Variants in ZNF518B observed in about 807,000 individuals in gnomAD.
ZNF518B encodes zinc finger protein 518B.
In ZNF518B, 23 loss-of-function variants were observed where a neutral mutation model predicts 56.3. That is an observed-to-expected ratio of 0.41 (90% CI 0.29 to 0.58). ZNF518B has a LOEUF of 0.58. Ranked by LOEUF, ZNF518B falls within the 20% of genes least tolerant of loss-of-function variation. The pLI, the probability that ZNF518B is intolerant of heterozygous loss-of-function variation, is 0.32. For synonymous variants in ZNF518B, 529 were observed against 465.9 expected (o/e 1.14, Z -1.74); for missense variants, 1,460 against 1,272.1 (o/e 1.15, Z -2.25).
upstream of ZNF518B, among the ~76,000 whole-genome samples, chr4:10,458,261 A>G (rs1715631558): frequency 6.6e-6 from 1 of 151,944 alleles, no homozygotes; most frequent in South Asian, 2.1e-4. Context: ...CAGCAGGGGC[A>G]GGTTGAGGCA....
At chr4:10,448,018 A>G (rs1715146633) in intron 2 of ZNF518B, among the ~76,000 whole-genome samples, 1 of 152,142 alleles carries the variant, frequency 6.6e-6, no homozygotes, top group Non-Finnish European at 1.5e-5. Context: ...GGAGCATAAC[A>G]AAATCCATTC....
At position 10,442,288 on chromosome 4, in the gene ZNF518B, TTA is replaced by T. The variant is rs1350622638; in HGVS notation, c.*814_*815del. Reference sequence around the variant, plus strand: ...TTCCCTAGCATTTTAAATTGGTCACTTATGTTTCTGGGAGTGGTAAGGGCAAA... The same window carrying T: ...TTCCCTAGCATTTTAAATTGGTCACTTGTTTCTGGGAGTGGTAAGGGCAAA... On this transcript the variant is annotated 3_prime_UTR_variant, in exon 3 of 3. Transcript: ENST00000326756. The T allele has an allele frequency of 6.6e-6, 1 of 152,272 alleles. No individual in the cohort carries two copies. Among genetic ancestry groups the T allele is most frequent in the Non-Finnish European group, 1.5e-5 (1 of 68,054 alleles). The allele number at this position is 152,272 out of a possible 1,614,324, so 9.4% of individuals were successfully genotyped here.
intron 2 of ZNF518B, 195 bp downstream of exon 2, chr4:10,454,610 G>A (rs895537658): frequency 1.3e-5 from 2 of 152,148 alleles, no homozygotes; most frequent in African/African-American, 4.8e-5. Flanking sequence ...ACTTCTCAAA[G>A]CCAGCCTTCA....
chr4:10,447,546 A>T (rs1298065205), intron 2 of ZNF518B, among the ~76,000 whole-genome samples: 1 of 151,740 alleles, frequency 6.6e-6, no homozygotes, highest in African/African-American at 2.4e-5. Context: ...GGCAGAGGAG[A>T]GGCTGGAGCA....
chr4:10,447,019 C>G (rs991580534), intron 2 of ZNF518B, among the ~76,000 whole-genome samples: 12 of 152,196 alleles, frequency 7.9e-5, no homozygotes, highest in African/African-American at 2.9e-4. Flanking sequence ...AGCTTGAATA[C>G]CAACTCTCTC....
chr4:10,450,368 TGA>T (rs1412929114), intron 2 of ZNF518B, among the ~76,000 whole-genome samples: 2 of 152,198 alleles, frequency 1.3e-5, no homozygotes, highest in African/African-American at 2.4e-5. Context: ...GAAAAAGATG[TGA>T]GGTTTCTTCA....
At chr4:10,446,566 T>C in intron 2 of ZNF518B, 27 bp from the exon 3 acceptor site, 1 of 462,260 alleles carries the variant, frequency 2.2e-6, no homozygotes, top group Non-Finnish European at 4.0e-6. Context: ...TTATAAAGCA[T>C]GATTAATATA....
Position 10,445,544 on chromosome 4 carries a change from C to A in ZNF518B, c.785G>T (p.Gly262Val), listed in dbSNP as rs66538112. Residue 262 changes from glycine to valine, a missense_variant, in exon 3 of 3, where the codon GGT becomes GTT. Transcript: ENST00000326756. ...FQNKWSDQLS[G>V]FSLHANKDKM... ...GTCTTTATTTGCATGGAGAGAGAAACCTGACAGTTGGTCTGACCACTTATT... is the reference window on the plus strand; with the variant it reads ...GTCTTTATTTGCATGGAGAGAGAAAACTGACAGTTGGTCTGACCACTTATT... 1.9e-5 allele frequency: 31 copies of A among 1,613,874 alleles called. No individual in the cohort carries two copies. The highest frequency in any genetic ancestry group is 2.5e-5 in the Non-Finnish European group (30 of 1,180,024).
At position 10,443,347 on chromosome 4, in the gene ZNF518B, G is replaced by A. The variant is rs1714770633; in HGVS notation, c.2982C>T (p.Tyr994=). ...GIRRHHVRLT[Y]QNAEEASQIK... ...TTTGACTGGCTTCTTCCGCATTCTGGTAGGTCAGGCGTACATGATGCCGTC... is the reference window on the plus strand; with the variant it reads ...TTTGACTGGCTTCTTCCGCATTCTGATAGGTCAGGCGTACATGATGCCGTC... Residue 994 remains tyrosine, a synonymous_variant, in exon 3 of 3, where the codon TAC becomes TAT. Transcript: ENST00000326756. 3 of 1,614,070 alleles carry A rather than the reference G, an allele frequency of 1.9e-6. No homozygotes were observed. Among genetic ancestry groups the A allele is most frequent in the Middle Eastern group, 1.6e-4 (1 of 6,084 alleles).
At chr4:10,456,537 T>C (rs1463292453) in intron 1 of ZNF518B, among the ~76,000 whole-genome samples, 1 of 152,278 alleles carries the variant, frequency 6.6e-6, no homozygotes, top group African/African-American at 2.4e-5. Flanking sequence ...AGGACCTCGA[T>C]GGACGAGCCC....
rs75897705 is a variant in ZNF518B at position 10,446,004 on chromosome 4, G to A, written c.325C>T (p.His109Tyr). The A allele has an allele frequency of 1.1e-4, 170 of 1,614,120 alleles. 2 individuals carry two copies. In the East Asian group the frequency reaches 3.7e-3, roughly 35 times the overall value. The change falls in exon 3 of 3, where the codon CAT becomes TAT. Residue 109 changes from histidine to tyrosine, a missense_variant. Coordinates refer to ENST00000326756, the MANE Select transcript of ZNF518B (RefSeq NM_053042.3). Reference protein sequence around the residue: ...HFVSNNSSATHVGNKTENFSS... With the variant: ...HFVSNNSSATYVGNKTENFSS... ...AAGTTTTCAGTTTTATTTCCAACAT[G>A]AGTCGCACTGGAATTATTGCTCACA...
chr4:10,443,701 T>C lies in ZNF518B; in HGVS notation c.2628A>G (p.Gln876=). ...AAAGACTTCTGGAAAGCAGTCTCCC[T>C]TGCTTATTTAATTCACTGCTTCCTT... is the stretch of plus-strand genomic sequence containing the variant. ...GQQGSSELNK[Q]GRLLSRSLSI... The change falls in exon 3 of 3, where the codon CAA becomes CAG. Residue 876 remains glutamine (Q), a synonymous_variant. Transcript: ENST00000326756. The C allele has an allele frequency of 1.2e-6, 2 of 1,614,224 alleles. No individual in the cohort carries two copies. Among genetic ancestry groups the C allele is most frequent in the Non-Finnish European group, 1.7e-6 (2 of 1,180,038 alleles).
chr4:10,447,579 G>A (rs1477113702), intron 2 of ZNF518B, among the ~76,000 whole-genome samples: 3 of 151,918 alleles, frequency 2.0e-5, no homozygotes, highest in Non-Finnish European at 4.4e-5. Context: ...CGGATGGCCT[G>A]GCCTGGGACA....
At chr4:10,449,200 T>G (rs1715198733) in intron 2 of ZNF518B, among the ~76,000 whole-genome samples, 1 of 152,180 alleles carries the variant, frequency 6.6e-6, no homozygotes, top group Non-Finnish European at 1.5e-5. Flanking sequence ...GTTCTCAACT[T>G]GGAAAAGCCT....
intron 2 of ZNF518B, among the ~76,000 whole-genome samples, chr4:10,450,049 T>G (rs1715238882): frequency 1.3e-5 from 2 of 152,192 alleles, no homozygotes; most frequent in Admixed American, 6.5e-5. Context: ...CAGCAAGGAA[T>G]GGAGAGCATC....
chr4:10,447,712 C>T (rs1354172111), intron 2 of ZNF518B, among the ~76,000 whole-genome samples: 2 of 142,600 alleles, frequency 1.4e-5, no homozygotes, highest in African/African-American at 5.3e-5. Context: ...TGCAATGGTG[C>T]AATCTTGGCT....
Position 10,444,248 on chromosome 4 carries a change from T to G in ZNF518B, c.2081A>C (p.Gln694Pro). ...SNSAHRRSVGQASKGTSKATS... is the reference protein window; with the variant it reads ...SNSAHRRSVGPASKGTSKATS... ...AGCTTTTGAAGTTCCCTTTGATGCC[T>G]GCCCTACAGAGCGACGATGTGCACT... is the stretch of plus-strand genomic sequence containing the variant. The change falls in exon 3 of 3, where the codon CAG (glutamine) becomes CCG (proline). Residue 694 changes from glutamine to proline, a missense_variant. Transcript: ENST00000326756. The G allele has an allele frequency of 6.2e-7, 1 of 1,614,222 alleles. No individual in the cohort carries two copies. Among genetic ancestry groups the G allele is most frequent in the East Asian group, 2.2e-5 (1 of 44,886 alleles).
At chr4:10,449,923 CT>C (rs1715233135) in intron 2 of ZNF518B, among the ~76,000 whole-genome samples, 1 of 151,928 alleles carries the variant, frequency 6.6e-6, no homozygotes, top group South Asian at 2.1e-4. Flanking sequence ...CCAGAAGGCA[CT>C]TTTGCCATTT....
Position 10,444,574 on chromosome 4 carries a change from A to C in ZNF518B, c.1755T>G (p.Thr585=). The change falls in exon 3 of 3, where the codon ACT becomes ACG. Residue 585 remains threonine, a synonymous_variant. Coordinates refer to ENST00000326756, the MANE Select transcript of ZNF518B (RefSeq NM_053042.3). The part of the protein sequence containing the change: ...NQTEEHKAVS[T]VGQISSQHKS... ...TATGTTGAGAGGAAATCTGGCCTACAGTTGAAACTGCCTTGTGTTCCTCTG... is the reference window on the plus strand; with the variant it reads ...TATGTTGAGAGGAAATCTGGCCTACCGTTGAAACTGCCTTGTGTTCCTCTG... 6.2e-7 allele frequency: 1 copy of C among 1,614,166 alleles called. No individual in the cohort carries two copies.
Sources: gnomAD v4.1 joint callset for allele counts (sites outside exome capture counted in the v4.1 genomes callset) on GRCh38, gnomAD v4.1.1 for gene constraint, MANE v1.5 for transcripts, NCBI Gene and HGNC (gene_info 2026-07-23, HGNC 2026-07-21) for gene names.